Variants in FHIT observed in about 807,000 individuals in gnomAD.
FHIT encodes the protein fragile histidine triad diadenosine triphosphatase.
A neutral mutation model predicts 17.9 loss-of-function variants in FHIT; 19 were observed. The ratio of observed to expected loss-of-function variants is 1.06; its 90% CI spans 0.74 to 1.56. FHIT has a LOEUF of 1.56. Ranked by LOEUF, FHIT falls within the 40% of genes most tolerant of loss-of-function variation. The pLI is 0.00. For synonymous variants in FHIT, 81 were observed against 69.7 expected, an observed-to-expected ratio of 1.16 and a Z score of -0.81; for missense variants, 248 against 189.2, an observed-to-expected ratio of 1.31 and a Z score of -1.82.
In FHIT at chr3:60,127,118, C is replaced by A. The variant is rs989604157; in HGVS notation, c.104-112966G>T. On this transcript the variant is annotated intron_variant, in intron 5 of 9. Coordinates refer to ENST00000492590, the MANE Select transcript of FHIT (RefSeq NM_002012.4). ...CTACTTGTGCAATCTCCCAATTACA[C>A]AAGCGATCCCATCTAGATTTACAAG... Among the ~76,000 whole-genome samples, 9 of 152,152 alleles carry A rather than the reference C, an allele frequency of 5.9e-5. No individual in the cohort carries two copies. In the East Asian group the frequency reaches 1.4e-3, roughly 23 times the overall value.
At chr3:60,695,722 A>G (rs2107896095) in intron 4 of FHIT, among the ~76,000 whole-genome samples, 1 of 152,342 alleles carries the variant, frequency 6.6e-6, no homozygotes, top group African/African-American at 2.4e-5. Flanking sequence ...GGGTAAGAAC[A>G]GGGACGCTGG....
At chr3:60,887,711 G>T (rs576884542) in intron 3 of FHIT, among the ~76,000 whole-genome samples, 1 of 152,054 alleles carries the variant, frequency 6.6e-6, no homozygotes, top group African/African-American at 2.4e-5. Context: ...TACCAAAAAA[G>T]GGTTCTGACT....
chr3:60,524,621 C>T (rs1277875669), intron 5 of FHIT, among the ~76,000 whole-genome samples: 1 of 152,094 alleles, frequency 6.6e-6, no homozygotes, highest in Non-Finnish European at 1.5e-5. Context: ...GTTTTGGAGG[C>T]CAGCGTGGCA....
chr3:59,906,841 G>A (rs1026486130), intron 8 of FHIT, among the ~76,000 whole-genome samples: 2 of 152,188 alleles, frequency 1.3e-5, no homozygotes, highest in African/African-American at 4.8e-5. Context: ...AAATAGTAGG[G>A]AGCTCACATT....
intron 4 of FHIT, chr3:60,537,412 T>G: frequency 1.1e-6 from 1 of 924,166 alleles, no homozygotes; most frequent in Non-Finnish European, 1.3e-6. Flanking sequence ...CAAATGGTTT[T>G]GTGTTCATAT....
chr3:60,011,902 C>G (rs960659786), intron 6 of FHIT, among the ~76,000 whole-genome samples: 1 of 152,166 alleles, frequency 6.6e-6, no homozygotes, highest in Non-Finnish European at 1.5e-5. Context: ...TAGCTGGACC[C>G]TTTTCCCAAA....
chr3:60,794,825 T>C (rs1317396844), intron 4 of FHIT, among the ~76,000 whole-genome samples: 2 of 152,342 alleles, frequency 1.3e-5, no homozygotes, highest in South Asian at 2.1e-4. Flanking sequence ...AAAAACACAC[T>C]GGCAGTTTTT....
intron 5 of FHIT, among the ~76,000 whole-genome samples, chr3:60,115,049 G>T (rs7653008): frequency 6.6e-6 from 1 of 151,678 alleles, no homozygotes. Flanking sequence ...TTAATCACAT[G>T]CTTATTAATA....
At chr3:60,575,192 A>T (rs185798276) in intron 4 of FHIT, among the ~76,000 whole-genome samples, 2 of 152,166 alleles carry the variant, frequency 1.3e-5, no homozygotes, top group Non-Finnish European at 2.9e-5. Context: ...GACTTGGCTG[A>T]GTAGGTTGAT....
At chr3:59,885,601 G>C (rs368918215) in intron 8 of FHIT, among the ~76,000 whole-genome samples, 4 of 152,132 alleles carry the variant, frequency 2.6e-5, no homozygotes, top group African/African-American at 9.7e-5. Context: ...TCAAGAGCCA[G>C]CTTCACATCC....
intron 4 of FHIT, among the ~76,000 whole-genome samples, chr3:60,606,718 C>T (rs941131117): frequency 3.3e-5 from 5 of 152,202 alleles, no homozygotes; most frequent in Admixed American, 2.0e-4. Flanking sequence ...GTTAATTGGA[C>T]CTTCTCTTCC....
intron 3 of FHIT, among the ~76,000 whole-genome samples, chr3:60,863,646 G>T (rs1036915330): frequency 5.3e-5 from 8 of 152,180 alleles, no homozygotes; most frequent in African/African-American, 1.4e-4. Context: ...TGCATACAGT[G>T]CCTCCTCTTT....
intron 5 of FHIT, among the ~76,000 whole-genome samples, chr3:60,212,915 C>T (rs1277714158): frequency 6.6e-6 from 1 of 152,170 alleles, no homozygotes; most frequent in Non-Finnish European, 1.5e-5. Flanking sequence ...GAGCAGCTGT[C>T]TATCTCAGGG....
intron 5 of FHIT, among the ~76,000 whole-genome samples, chr3:60,025,099 T>C (rs566961733): frequency 3.7e-4 from 56 of 152,234 alleles, no homozygotes; most frequent in African/African-American, 1.3e-3. Flanking sequence ...GCTTGGGTAG[T>C]AGGTGAAGAG....
intron 4 of FHIT, among the ~76,000 whole-genome samples, chr3:60,709,493 A>G (rs538038630): frequency 6.6e-6 from 1 of 152,222 alleles, no homozygotes. Context: ...CCGAAACCAC[A>G]TCAAGAAATT....
intron 4 of FHIT, among the ~76,000 whole-genome samples, chr3:60,586,790 G>A (rs1321470434): frequency 6.6e-6 from 1 of 151,918 alleles, no homozygotes; most frequent in Non-Finnish European, 1.5e-5. Context: ...GGTGCTAAAT[G>A]ATGAAAACTC....
At chr3:60,223,508 A>G (rs1704054941) in intron 5 of FHIT, among the ~76,000 whole-genome samples, 1 of 152,088 alleles carries the variant, frequency 6.6e-6, no homozygotes, top group South Asian at 2.1e-4. Context: ...TTATTTACTA[A>G]TCTAAAAACT....
chr3:60,623,765 C>T (rs572404263), intron 4 of FHIT, among the ~76,000 whole-genome samples: 8 of 152,212 alleles, frequency 5.3e-5, no homozygotes, highest in East Asian at 1.9e-4. Context: ...GTCCTCGTTT[C>T]GGCGTGTCTT....
intron 3 of FHIT, among the ~76,000 whole-genome samples, chr3:60,871,970 T>C (rs1704436507): frequency 6.6e-6 from 1 of 152,054 alleles, no homozygotes; most frequent in Non-Finnish European, 1.5e-5. Flanking sequence ...GCTCCTATTA[T>C]ATTTTTAAAA....
Sources: allele counts gnomAD v4.1 joint callset (sites outside exome capture counted in the v4.1 genomes callset), GRCh38; gene constraint gnomAD v4.1.1; transcripts MANE v1.5; gene names NCBI Gene and HGNC (gene_info 2026-07-23, HGNC 2026-07-21).